Variants in MYO1D observed in about 807,000 individuals in gnomAD.
MYO1D encodes unconventional myosin-Id.
MYO1D carries 83 observed loss-of-function variants against 122.0 expected under a neutral mutation model. That is an observed-to-expected ratio of 0.68 (90% CI 0.57 to 0.82). The LOEUF is 0.82. Among genes scored for constraint, MYO1D ranks in the 40% least tolerant of loss-of-function variants. MYO1D has a pLI of 0.00. For synonymous variants in MYO1D, 464 were observed against 446.9 expected (o/e 1.04, Z -0.48); for missense variants, 1,157 against 1,269.5 (o/e 0.91, Z 1.35).
At chr17:32,531,391 A>ACG (rs1174907694) in intron 21 of MYO1D, 1 of 152,230 alleles carries the variant, frequency 6.6e-6, no homozygotes, top group Admixed American at 6.5e-5. Flanking sequence ...GATGGTGATC[A>ACG]CGTCCTTGGT....
intron 1 of MYO1D, among the ~76,000 whole-genome samples, chr17:32,843,240 A>G (rs1011457352): frequency 6.6e-6 from 1 of 152,178 alleles, no homozygotes; most frequent in African/African-American, 2.4e-5. Flanking sequence ...TCAAGTTTTA[A>G]GCCAAAATAT....
intron 1 of MYO1D, among the ~76,000 whole-genome samples, chr17:32,781,734 CAAA>C (rs35583086): frequency 9.2e-6 from 1 of 108,352 alleles, no homozygotes; most frequent in Admixed American, 9.9e-5. Flanking sequence ...GGCCACAGGA[CAAA>C]AAAAAAAAAA....
intron 1 of MYO1D, among the ~76,000 whole-genome samples, chr17:32,781,527 T>C (rs2090238481): frequency 6.6e-6 from 1 of 152,154 alleles, no homozygotes; most frequent in Non-Finnish European, 1.5e-5. Flanking sequence ...TGATTCTACC[T>C]TTTCCCCATA....
At chr17:32,674,296 T>G (rs1208849114) in intron 16 of MYO1D, among the ~76,000 whole-genome samples, 1 of 152,204 alleles carries the variant, frequency 6.6e-6, no homozygotes, top group African/African-American at 2.4e-5. Context: ...ATTAGATGAT[T>G]CATAAGAGCA....
intron 21 of MYO1D, among the ~76,000 whole-genome samples, chr17:32,565,791 C>T (rs542612502): frequency 2.6e-5 from 4 of 151,948 alleles, no homozygotes; most frequent in Non-Finnish European, 5.9e-5. Context: ...GTGGCGAGAT[C>T]TTGCCTCACT....
At chr17:32,598,237 G>A (rs966835015) in intron 21 of MYO1D, among the ~76,000 whole-genome samples, 2 of 152,122 alleles carry the variant, frequency 1.3e-5, no homozygotes, top group Non-Finnish European at 2.9e-5. Context: ...AGCTGGGCAT[G>A]GTGACACACG....
intron 15 of MYO1D, 135 bp from the exon 16 acceptor site, chr17:32,712,330 A>T (rs2089388952): frequency 1.3e-6 from 1 of 767,256 alleles, no homozygotes; most frequent in Admixed American, 2.8e-5. Context: ...CATTAGCCTC[A>T]TAAGGTATGC....
At chr17:32,733,530 A>G (rs1349025497) in intron 14 of MYO1D, among the ~76,000 whole-genome samples, 1 of 152,202 alleles carries the variant, frequency 6.6e-6, no homozygotes, top group Admixed American at 6.5e-5. Context: ...TTCCTTACTG[A>G]TAATGGGGAA....
chr17:32,821,411 T>C (rs189510271), intron 1 of MYO1D, among the ~76,000 whole-genome samples: 46 of 152,288 alleles, frequency 3.0e-4, no homozygotes, highest in African/African-American at 9.9e-4. Context: ...AATACATATG[T>C]ACATAAAATT....
At chr17:32,504,677 G>A (rs2150855213) in intron 21 of MYO1D, 1 of 152,392 alleles carries the variant, frequency 6.6e-6, no homozygotes, top group African/African-American at 2.4e-5. Flanking sequence ...ACTCATGCCT[G>A]TGGTTTCAAT....
intron 20 of MYO1D, among the ~76,000 whole-genome samples, chr17:32,620,729 ACTT>A (rs1013337566): frequency 6.6e-6 from 1 of 152,142 alleles, no homozygotes; most frequent in African/African-American, 2.4e-5. Context: ...TGAAGGCCCA[ACTT>A]CTTATTCTAG....
At chr17:32,540,202 G>A (rs1910792634) in intron 21 of MYO1D, among the ~76,000 whole-genome samples, 1 of 151,544 alleles carries the variant, frequency 6.6e-6, no homozygotes, top group African/African-American at 2.4e-5. Flanking sequence ...AATTAGCCAA[G>A]TGTAGTAATC....
At chr17:32,742,061 T>C (rs1045812802) in intron 13 of MYO1D, among the ~76,000 whole-genome samples, 4 of 151,680 alleles carry the variant, frequency 2.6e-5, no homozygotes, top group African/African-American at 9.7e-5. Context: ...TTTTTAAAGA[T>C]GTTTGTGCCT....
intron 21 of MYO1D, among the ~76,000 whole-genome samples, chr17:32,515,322 T>C (rs1454919047): frequency 6.6e-6 from 1 of 152,220 alleles, no homozygotes; most frequent in Non-Finnish European, 1.5e-5. Flanking sequence ...CCTCCTCCTG[T>C]CTTTTCTTTG....
At chr17:32,762,027 A>T (rs777523831) in intron 8 of MYO1D, among the ~76,000 whole-genome samples, 1 of 152,056 alleles carries the variant, frequency 6.6e-6, no homozygotes, top group Non-Finnish European at 1.5e-5. Flanking sequence ...GCAGATAAAC[A>T]TCCACACTAA....
chr17:32,695,846 A>G (rs913466835), intron 16 of MYO1D, among the ~76,000 whole-genome samples: 3 of 152,268 alleles, frequency 2.0e-5, no homozygotes, highest in African/African-American at 4.8e-5. Flanking sequence ...TGCAGACTCT[A>G]CAATCTAGCA....
At chr17:32,725,009 A>G (rs909701877) in intron 14 of MYO1D, among the ~76,000 whole-genome samples, 1 of 152,234 alleles carries the variant, frequency 6.6e-6, no homozygotes, top group African/African-American at 2.4e-5. Context: ...AAATAAAAAA[A>G]TAAACGAACC....
chr17:32,657,304 T>C lies in MYO1D; in HGVS notation c.2345+1811A>G, dbSNP rs2088490984. On this transcript the variant is annotated intron_variant, in intron 17 of 21. Coordinates refer to ENST00000318217, the MANE Select transcript of MYO1D (RefSeq NM_015194.3). ...TCTCTGTATTCCACAGATCAAAAAA[T>C]TCCTGATAGTGCCTAGATCAGGGGT... 2.6e-5 allele frequency among the ~76,000 whole-genome samples: 4 copies of C among 152,202 alleles called. No homozygotes were observed. In the South Asian group the frequency reaches 8.3e-4, roughly 32 times the overall value.
chr17:32,819,927 A>G (rs977272517), intron 1 of MYO1D, among the ~76,000 whole-genome samples: 39 of 152,366 alleles, frequency 2.6e-4, no homozygotes, highest in African/African-American at 8.7e-4. Context: ...CAACATGCAT[A>G]GTACTTAAAA....
Sources: allele counts gnomAD v4.1 joint callset (sites outside exome capture counted in the v4.1 genomes callset), GRCh38; gene constraint gnomAD v4.1.1; transcripts MANE v1.5; gene names NCBI Gene and HGNC (gene_info 2026-07-23, HGNC 2026-07-21).